Variants in TSACC observed in about 807,000 individuals in gnomAD.
The protein encoded by TSACC is TSSK6-activating co-chaperone protein.
Under a neutral mutation model 6.9 loss-of-function variants are expected in TSACC, and 3 were observed. That is an observed-to-expected ratio of 0.43 (90% CI 0.20 to 1.12). TSACC has a LOEUF of 1.12. Among genes scored for constraint, TSACC ranks in the 50% most tolerant of loss-of-function variants. The pLI is 0.28. For missense variants in TSACC, 137 were observed against 143.9 expected (o/e 0.95, Z 0.24); for synonymous variants, 54 against 55.1 (o/e 0.98, Z 0.09).
chr1:156,342,165 A>G (rs1175829676), intron 2 of TSACC, among the ~76,000 whole-genome samples: 3 of 152,166 alleles, frequency 2.0e-5, no homozygotes, highest in Non-Finnish European at 2.9e-5. Flanking sequence ...CACATTTTGC[A>G]TGGAAATTAA....
At chr1:156,338,303 G>T (rs1364342248), upstream of TSACC, 2 of 963,688 alleles carry the variant, frequency 2.1e-6, no homozygotes, top group South Asian at 1.4e-5. Context: ...ACCTCAACCC[G>T]CTACTCTCAA....
chr1:156,340,461 T>C (rs1354461803), intron 2 of TSACC, among the ~76,000 whole-genome samples: 1 of 134,952 alleles, frequency 7.4e-6, no homozygotes, highest in Non-Finnish European at 1.6e-5. Context: ...CCCCGGCCTT[T>C]TTTTTTTTTT....
At chr1:156,346,034 T>C (rs1666153728) in intron 3 of TSACC, among the ~76,000 whole-genome samples, 1 of 147,550 alleles carries the variant, frequency 6.8e-6, no homozygotes, top group African/African-American at 2.5e-5. Context: ...TCTCTACTAA[T>C]GATACAAAAC....
At chr1:156,337,892 A>G, upstream of TSACC, 1 of 539,890 alleles carries the variant, frequency 1.9e-6, no homozygotes, top group Non-Finnish European at 3.3e-6. Context: ...GAGGGACAGA[A>G]CGCGGAGTGG....
intron 2 of TSACC, among the ~76,000 whole-genome samples, chr1:156,341,238 C>T (rs1208901805): frequency 3.3e-5 from 5 of 152,134 alleles, no homozygotes; most frequent in Non-Finnish European, 5.9e-5. Flanking sequence ...CTAGGCCTAA[C>T]TAAAAAAACA....
intron 2 of TSACC, among the ~76,000 whole-genome samples, chr1:156,341,717 C>A (rs1321895092): frequency 1.3e-5 from 2 of 152,060 alleles, no homozygotes; most frequent in Non-Finnish European, 2.9e-5. Flanking sequence ...ATTTCTCATG[C>A]CACCTTGTGT....
Position 156,339,625 on chromosome 1 carries a change from C to A in TSACC, c.-124-9C>A, listed in dbSNP as rs1283479114. On this transcript the variant is annotated splice_polypyrimidine_tract_variant and intron_variant, in intron 1 of 3. Transcript: ENST00000368254. Reference sequence around the variant, plus strand: ...CATGAAATAGAGTTTCCTACTTTTTCCTCTGCAGATTGGAACAGGCTGAGA... The same window carrying A: ...CATGAAATAGAGTTTCCTACTTTTTACTCTGCAGATTGGAACAGGCTGAGA... The A allele has an allele frequency of 2.2e-5, 24 of 1,111,644 alleles. No homozygotes were observed. Among genetic ancestry groups the A allele is most frequent in the Non-Finnish European group, 3.1e-5 (24 of 773,364 alleles). 68.9% of individuals were successfully genotyped at this position (1,111,644 alleles called of 1,614,324 possible).
In TSACC at chr1:156,341,714, A is replaced by C. The variant is rs564871232; in HGVS notation, c.34+1923A>C. Among the ~76,000 whole-genome samples, 7 of 152,274 alleles carry C rather than the reference A, an allele frequency of 4.6e-5. No homozygotes were observed. The South Asian group carries it at 1.4e-3, about 32-fold the overall frequency. ...ATTAAAAAACAATTTTTAATTTCTC[A>C]TGCCACCTTGTGTAAAAATGTGTAA... On this transcript the variant is annotated intron_variant, in intron 2 of 3. Transcript: ENST00000368254.
upstream of TSACC, chr1:156,338,314 G>A (rs114297274): frequency 0.019 from 16,675 of 863,116 alleles, 189 homozygotes; most frequent in Non-Finnish European, 0.024. Flanking sequence ...CTACTCTCAA[G>A]GTAGTCGCCA....
intron 2 of TSACC, among the ~76,000 whole-genome samples, chr1:156,342,062 C>CAAAAA (rs554820517): frequency 1.0e-4 from 6 of 57,266 alleles, no homozygotes; most frequent in Non-Finnish European, 2.3e-4. Context: ...ACTCCGTCTC[C>CAAAAA]AAAAAAAAAA....
At chr1:156,341,830 G>A (rs1246378310) in intron 2 of TSACC, among the ~76,000 whole-genome samples, 1 of 152,152 alleles carries the variant, frequency 6.6e-6, no homozygotes, top group African/African-American at 2.4e-5. Flanking sequence ...TTGGAAGGCT[G>A]AGGCAGGCAG....
chr1:156,345,354 G>A (rs1234416212), intron 3 of TSACC, among the ~76,000 whole-genome samples: 1 of 152,150 alleles, frequency 6.6e-6, no homozygotes, highest in Non-Finnish European at 1.5e-5. Context: ...TCTGAGGTCA[G>A]GAGCTTCAGA....
At chr1:156,341,004 A>G (rs555617103) in intron 2 of TSACC, among the ~76,000 whole-genome samples, 1 of 151,930 alleles carries the variant, frequency 6.6e-6, no homozygotes, top group Non-Finnish European at 1.5e-5. Context: ...TAATTTTTGT[A>G]TTTTTAGTAC....
At chr1:156,339,262 C>CA (rs34441809) in intron 1 of TSACC, among the ~76,000 whole-genome samples, 237 of 136,730 alleles carry the variant, frequency 1.7e-3, no homozygotes, top group Middle Eastern at 0.011. Context: ...GACTCCATCT[C>CA]AAAAAAAAAA....
At chr1:156,342,727 C>A (rs184591362) in intron 2 of TSACC, among the ~76,000 whole-genome samples, 1 of 152,344 alleles carries the variant, frequency 6.6e-6, no homozygotes, top group African/African-American at 2.4e-5. Context: ...CACCTAATGC[C>A]TGTCTGCACA....
intron 2 of TSACC, among the ~76,000 whole-genome samples, chr1:156,343,658 G>T (rs1020252710): frequency 6.6e-6 from 1 of 152,142 alleles, no homozygotes; most frequent in Non-Finnish European, 1.5e-5. Flanking sequence ...GCCTGTATTG[G>T]GTCACAGGCC....
At chr1:156,337,357 G>C, upstream of TSACC, 1 of 229,510 alleles carries the variant, frequency 4.4e-6, no homozygotes, top group Middle Eastern at 1.8e-3. Context: ...GCAGTGAACA[G>C]AGATCGCGCC....
intron 2 of TSACC, among the ~76,000 whole-genome samples, chr1:156,340,350 G>A (rs1318132255): frequency 1.3e-5 from 2 of 152,042 alleles, no homozygotes; most frequent in East Asian, 1.9e-4. Flanking sequence ...TAGTAGAGAC[G>A]GGGTTTCACC....
At chr1:156,337,589 G>GA, upstream of TSACC, 1 of 166,574 alleles carries the variant, frequency 6.0e-6, no homozygotes, top group South Asian at 1.3e-4. Context: ...TGCTGTTCAA[G>GA]AGACTGTTAC....
Sources: allele counts gnomAD v4.1 joint callset (sites outside exome capture counted in the v4.1 genomes callset), GRCh38; gene constraint gnomAD v4.1.1; transcripts MANE v1.5; gene names NCBI Gene and HGNC (gene_info 2026-07-23, HGNC 2026-07-21).